The following GAN variants were observed in gnomAD, a reference collection of about 807,000 sequenced individuals.
GAN encodes gigaxonin.
Under a neutral mutation model 71.3 loss-of-function variants are expected in GAN, and 48 were observed. The observed-to-expected ratio is 0.67, with a 90% CI of 0.53 to 0.86. GAN has a LOEUF of 0.86. Ranked by LOEUF, GAN falls within the 40% of genes least tolerant of loss-of-function variation. The pLI, the probability that GAN is intolerant of heterozygous loss-of-function variation, is 0.00. For synonymous variants in GAN, 386 were observed against 276.8 expected, an observed-to-expected ratio of 1.39 and a Z score of -3.92; for missense variants, 928 against 770.1, an observed-to-expected ratio of 1.21 and a Z score of -2.43.
chr16:81,347,622 GTCTTTGT>G (rs373805312), intron 1 of GAN, among the ~76,000 whole-genome samples: 99 of 152,228 alleles, frequency 6.5e-4, no homozygotes, highest in Non-Finnish European at 1.3e-3. Context: ...AGCTGAAAAT[GTCTTTGT>G]TCCCCCCTGC....
chr16:81,357,633 G>A (rs1910534809), intron 4 of GAN, among the ~76,000 whole-genome samples, 177 bp from the exon 5 acceptor site: 1 of 152,202 alleles, frequency 6.6e-6, no homozygotes, highest in Non-Finnish European at 1.5e-5. Flanking sequence ...GTAATGGGAT[G>A]GCTGGGTCAA....
At chr16:81,334,227 G>A (rs1021475271) in intron 1 of GAN, among the ~76,000 whole-genome samples, 1 of 152,182 alleles carries the variant, frequency 6.6e-6, no homozygotes, top group African/African-American at 2.4e-5. Flanking sequence ...AATGGAAAAG[G>A]TTTCTGTGGA....
At chr16:81,361,130 C>T (rs145435504) in intron 5 of GAN, among the ~76,000 whole-genome samples, 1 of 152,128 alleles carries the variant, frequency 6.6e-6, no homozygotes, top group Non-Finnish European at 1.5e-5. Context: ...GAGGGCGATG[C>T]AGGAGAATCG....
chr16:81,343,223 C>G (rs1472694266), intron 1 of GAN, among the ~76,000 whole-genome samples: 1 of 152,192 alleles, frequency 6.6e-6, no homozygotes, highest in Non-Finnish European at 1.5e-5. Flanking sequence ...CCTTCTGAAA[C>G]TATTCCGATC....
intron 1 of GAN, among the ~76,000 whole-genome samples, chr16:81,332,020 G>C (rs909077011): frequency 6.6e-6 from 1 of 152,102 alleles, no homozygotes; most frequent in Non-Finnish European, 1.5e-5. Context: ...AATTAGCCGG[G>C]CATGGTGGCG....
In GAN at chr16:81,377,736, A is replaced by T; in HGVS notation, c.*140A>T. ...ACTCTTTGGTGGTTTTATGATGCTT[A>T]CAAACTTGAGCTTTAGCTCTTGTTT... On this transcript the variant is annotated 3_prime_UTR_variant, in exon 11 of 11. Coordinates refer to ENST00000648994, the MANE Select transcript of GAN (RefSeq NM_022041.4). 1.2e-6 allele frequency: 1 copy of T among 818,578 alleles called. No homozygotes were observed. Among genetic ancestry groups the T allele is most frequent in the Non-Finnish European group, 2.1e-6 (1 of 477,148 alleles). The allele number at this position is 818,578 out of a possible 1,614,324, so 50.7% of individuals were successfully genotyped here.
intron 2 of GAN, among the ~76,000 whole-genome samples, chr16:81,352,723 C>G (rs1910340386): frequency 1.3e-5 from 2 of 152,232 alleles, no homozygotes; most frequent in South Asian, 4.1e-4. Flanking sequence ...TGCTTTCTCT[C>G]TTCTCTCAGC....
At chr16:81,356,631 A>G (rs1277061312) in intron 3 of GAN, among the ~76,000 whole-genome samples, 154 bp from the exon 4 acceptor site, 1 of 152,252 alleles carries the variant, frequency 6.6e-6, no homozygotes, top group Non-Finnish European at 1.5e-5. Flanking sequence ...TAGGGCCAGG[A>G]GAAGATATTC....
In GAN at chr16:81,315,238, C is replaced by A; in HGVS notation, c.125C>A (p.Pro42Gln). The stretch of plus-strand genomic sequence containing the variant: ...CTGGTCCTCGACGGGGAGGAGATCC[C>A]GGTGCAGAAGAACATCCTGGCGGCG... Reference protein sequence around the residue: ...AHLVLDGEEIPVQKNILAAAS... With the variant: ...AHLVLDGEEIQVQKNILAAAS... The change falls in exon 1 of 11, where the codon CCG (proline) becomes CAG (glutamine). Residue 42 changes from proline to glutamine, a missense_variant. By Grantham distance (76) the Pro-to-Gln change is moderately conservative. Coordinates refer to ENST00000648994, the MANE Select transcript of GAN (RefSeq NM_022041.4). 1 of 1,579,028 alleles carries A rather than the reference C, an allele frequency of 6.3e-7. No homozygotes were observed. Among genetic ancestry groups the A allele is most frequent in the African/African-American group, 1.4e-5 (1 of 71,446 alleles).
At chr16:81,361,286 G>C (rs1910665091) in intron 5 of GAN, among the ~76,000 whole-genome samples, 1 of 152,112 alleles carries the variant, frequency 6.6e-6, no homozygotes, top group Non-Finnish European at 1.5e-5. Context: ...TAGATGTCCT[G>C]GGATGTTAGA....
At chr16:81,330,685 G>A (rs952612206) in intron 1 of GAN, among the ~76,000 whole-genome samples, 1 of 152,206 alleles carries the variant, frequency 6.6e-6, no homozygotes, top group Admixed American at 6.5e-5. Flanking sequence ...TACAAAAAGG[G>A]TGAGATTTTG....
At chr16:81,324,425 G>T (rs1909314598) in intron 1 of GAN, among the ~76,000 whole-genome samples, 1 of 152,156 alleles carries the variant, frequency 6.6e-6, no homozygotes, top group African/African-American at 2.4e-5. Context: ...GAGATCTGAG[G>T]GAGGAGGAGA....
chr16:81,357,502 A>C (rs1321026206), intron 4 of GAN, among the ~76,000 whole-genome samples: 1 of 152,154 alleles, frequency 6.6e-6, no homozygotes, highest in Non-Finnish European at 1.5e-5. Context: ...AATCCAGTCT[A>C]TCAATGTTGG....
At chr16:81,331,159 C>G (rs149902547) in intron 1 of GAN, among the ~76,000 whole-genome samples, 2,177 of 152,242 alleles carry the variant, frequency 0.014, 26 homozygotes, top group Non-Finnish European at 0.022. Context: ...GATCTGTGCT[C>G]GCACCACTGC....
At chr16:81,323,148 C>CT (rs1241719325) in intron 1 of GAN, among the ~76,000 whole-genome samples, 12 of 152,174 alleles carry the variant, frequency 7.9e-5, no homozygotes. Context: ...GCTTCTCTTC[C>CT]TTACATGAAA....
intron 5 of GAN, among the ~76,000 whole-genome samples, chr16:81,359,579 G>GTGTTCTCT (rs1415779928): frequency 2.6e-5 from 4 of 152,132 alleles, no homozygotes; most frequent in Admixed American, 6.5e-5. Flanking sequence ...GTCAGTACCT[G>GTGTTCTCT]TGTTCTCTTC....
rs1597407113 is a variant in GAN, at chr16:81,365,088, A to G, written c.1351A>G (p.Ile451Val). 6 of 1,613,596 alleles carry G rather than the reference A, an allele frequency of 3.7e-6. No individual in the cohort carries two copies. The highest frequency in any genetic ancestry group is 5.1e-6 in the Non-Finnish European group (6 of 1,179,550). Residue 451 changes from isoleucine (I) to valine (V), a missense_variant, in exon 8 of 11, where the codon ATA becomes GTA. By Grantham distance (29) the Ile-to-Val change is conservative (BLOSUM62 3). Coordinates refer to ENST00000648994, the MANE Select transcript of GAN (RefSeq NM_022041.4). ...YDPRTQQWTAICPLKERRFGA... is the reference protein window; with the variant it reads ...YDPRTQQWTAVCPLKERRFGA... ...TCCCAGGACCCAGCAGTGGACTGCC[A>G]TATGTCCACTAAAAGAGAGGAGGTA...
At chr16:81,333,878 T>C (rs111458037) in intron 1 of GAN, among the ~76,000 whole-genome samples, 1 of 152,202 alleles carries the variant, frequency 6.6e-6, no homozygotes, top group Non-Finnish European at 1.5e-5. Context: ...TTGTTACTTA[T>C]AGTTGTGCAC....
Position 81,379,918 on chromosome 16 carries a change from T to G in GAN, c.*2322T>G, listed in dbSNP as rs11862952. On this transcript the variant is annotated 3_prime_UTR_variant, in exon 11 of 11. Transcript: ENST00000648994. ...TAAATTCATTTTATAAAAATAGTGT[T>G]TTTTTTTTTTAATTTCAGTTCATTG... 2,744 of 129,976 alleles carry G rather than the reference T, an allele frequency of 0.021. 84 individuals are homozygous for G. Among genetic ancestry groups the G allele is most frequent in the African/African-American group, 0.086 (2,602 of 30,256 alleles). The allele number at this position is 129,976 out of a possible 1,614,324, so 8.1% of individuals were successfully genotyped here.
Sources: gnomAD v4.1 joint callset for allele counts (sites outside exome capture counted in the v4.1 genomes callset) on GRCh38, gnomAD v4.1.1 for gene constraint, MANE v1.5 for transcripts, NCBI Gene and HGNC (gene_info 2026-07-23, HGNC 2026-07-21) for gene names.